Variants in PRRC1 observed in about 807,000 individuals in gnomAD.
The protein encoded by PRRC1 is proline rich coiled-coil 1, also known as protein PRRC1.
Under a neutral mutation model 40.7 loss-of-function variants are expected in PRRC1, and 39 were observed. That is an observed-to-expected ratio of 0.96 (90% confidence interval 0.74 to 1.25). PRRC1 has a LOEUF of 1.25. Among genes scored for constraint, PRRC1 ranks in the 50% most tolerant of loss-of-function variants. PRRC1 has a pLI of 0.00. For synonymous variants in PRRC1, 175 were observed against 193.3 expected, an observed-to-expected ratio of 0.91 and a Z score of 0.79; for missense variants, 573 against 548.3, an observed-to-expected ratio of 1.05 and a Z score of -0.45.
At position 127,551,671 on chromosome 5, in the gene PRRC1, T is replaced by G. The variant is rs763848957; in HGVS notation, c.1129-36T>G. 16 of 1,582,360 alleles carry G rather than the reference T, an allele frequency of 1.0e-5. 1 individual carries two copies. The South Asian group carries it at 1.8e-4, about 18-fold the overall frequency. On this transcript the variant is annotated intron_variant, in intron 8 of 8. Coordinates refer to ENST00000296666, the MANE Select transcript of PRRC1 (RefSeq NM_130809.5). ...AGCTAGTTCCAATGATATTTTTAAA[T>G]GTATTATAAGTAATATCAATTTCAT...
chr5:127,532,201 T>G (rs1392777009), intron 5 of PRRC1, among the ~76,000 whole-genome samples: 1 of 151,704 alleles, frequency 6.6e-6, no homozygotes, highest in Admixed American at 6.6e-5. Flanking sequence ...CTCTGCCTCC[T>G]GAGTTCAAGC....
In PRRC1 at chr5:127,526,721, T is replaced by G; in HGVS notation, c.597T>G (p.Pro199=). Residue 199 remains proline, a synonymous_variant, in exon 4 of 9, where the codon CCT becomes CCG. Coordinates refer to ENST00000296666, the MANE Select transcript of PRRC1 (RefSeq NM_130809.5). ...AITFPEEQED[P]RITRGQDEAS... ...CTTTCCCAGAGGAGCAAGAAGACCC[T>G]AGAATTACTAGAGGTCAGGATGAAG... 6.2e-7 allele frequency: 1 copy of G among 1,613,262 alleles called. No homozygotes were observed. Among genetic ancestry groups the G allele is most frequent in the Non-Finnish European group, 8.5e-7 (1 of 1,179,490 alleles).
chr5:127,547,200 A>C (rs932711063), intron 7 of PRRC1, among the ~76,000 whole-genome samples: 2 of 152,118 alleles, frequency 1.3e-5, no homozygotes, highest in Admixed American at 6.5e-5. Flanking sequence ...TTTTCAATAA[A>C]GTCATTTTTA....
At chr5:127,536,606 AG>A in intron 6 of PRRC1, among the ~76,000 whole-genome samples, 1 of 152,224 alleles carries the variant, frequency 6.6e-6, no homozygotes, top group Non-Finnish European at 1.5e-5. Context: ...CACTGAAATT[AG>A]AGACTAAAAC....
chr5:127,529,533 CT>C lies in PRRC1; in HGVS notation c.655-757del, dbSNP rs752366303. Among the ~76,000 whole-genome samples the C allele has an allele frequency of 7.0e-4, 107 of 152,230 alleles. 1 individual carries two copies. The highest frequency in any genetic ancestry group is 6.8e-3 in the Middle Eastern group (2 of 294). The stretch of plus-strand genomic sequence containing the variant: ...TTAAATTTCAATTTTATGAACTCAT[CT>C]TTTCCTGAGTCACCTTAGTTTAATG... On this transcript the variant is annotated intron_variant, in intron 4 of 8. Transcript: ENST00000296666.
At position 127,551,700 on chromosome 5, in the gene PRRC1, T is replaced by C. The variant is rs758513821; in HGVS notation, c.1129-7T>C. 6.2e-7 allele frequency: 1 copy of C among 1,613,710 alleles called. No individual in the cohort carries two copies. The highest frequency in any genetic ancestry group is 8.5e-7 in the Non-Finnish European group (1 of 1,179,624). On this transcript the variant is annotated splice_region_variant and splice_polypyrimidine_tract_variant and intron_variant, in intron 8 of 8. Transcript: ENST00000296666. ...TTATAAGTAATATCAATTTCATCTT[T>C]CCACAGGCTCAAAGTCTAACTCCCC...
intron 8 of PRRC1, chr5:127,550,213 GTTTGT>G (rs1768340579): frequency 1.3e-5 from 2 of 151,970 alleles, no homozygotes; most frequent in Admixed American, 1.3e-4. Context: ...TTTTTATTCT[GTTTGT>G]TTTATTTTGT....
rs1384089500 is a variant in PRRC1 at position 127,522,148 on chromosome 5, A to AG, written c.-20-1312_-20-1311insG. Among the ~76,000 whole-genome samples the AG allele has an allele frequency of 6.4e-4, 97 of 152,356 alleles. 1 individual carries two copies. The highest frequency in any genetic ancestry group is 2.3e-3 in the African/African-American group (96 of 41,582). On this transcript the variant is annotated intron_variant, in intron 1 of 8. Transcript: ENST00000296666. ...TATTAAATGAATAAAAATATTAAAA[A>AG]CAAATATAGCATATTTAGAAGTTGG... is the stretch of plus-strand genomic sequence containing the variant.
intron 4 of PRRC1, among the ~76,000 whole-genome samples, chr5:127,530,004 A>G (rs993938266): frequency 2.6e-5 from 4 of 152,118 alleles, no homozygotes; most frequent in African/African-American, 9.7e-5. Context: ...ATATGTATAT[A>G]CACACACATA....
rs886182105 is a variant in PRRC1, at chr5:127,553,093, G to A, written c.*1177G>A. 40 of 872,602 alleles carry A rather than the reference G, an allele frequency of 4.6e-5. No homozygotes were observed. Among genetic ancestry groups the A allele is most frequent in the Non-Finnish European group, 5.5e-5 (40 of 728,266 alleles). The allele number at this position is 872,602 out of a possible 1,614,324, so 54.1% of individuals were successfully genotyped here. ...ATATACAAGTTCAAATAACTTTTTC[G>A]AAGATAGTTTCTTATATAAATGTAA... On this transcript the variant is annotated 3_prime_UTR_variant, in exon 9 of 9. Transcript: ENST00000296666.
At chr5:127,526,168 A>C (rs1767607528) in intron 3 of PRRC1, among the ~76,000 whole-genome samples, 1 of 152,216 alleles carries the variant, frequency 6.6e-6, no homozygotes, top group African/African-American at 2.4e-5. Flanking sequence ...ACCTTTACAA[A>C]TGAAAATTAT....
At chr5:127,541,757 TTCTC>T (rs1159010763) in intron 7 of PRRC1, among the ~76,000 whole-genome samples, 18 of 152,122 alleles carry the variant, frequency 1.2e-4, no homozygotes, top group Admixed American at 5.9e-4. Context: ...TATTTGATTC[TTCTC>T]TCTTTTTTTC....
intron 4 of PRRC1, among the ~76,000 whole-genome samples, chr5:127,527,177 AT>A (rs965554642): frequency 7.9e-5 from 12 of 151,758 alleles, no homozygotes; most frequent in Admixed American, 5.2e-4. Context: ...AATTGTAATT[AT>A]TTTTTTTAAA....
chr5:127,534,713 C>T (rs1394716518), intron 6 of PRRC1, among the ~76,000 whole-genome samples: 1 of 152,190 alleles, frequency 6.6e-6, no homozygotes, highest in East Asian at 1.9e-4. Flanking sequence ...GCTTTAAATA[C>T]TGTCTCTGTG....
chr5:127,522,884 T>C (rs1767496993), intron 1 of PRRC1, among the ~76,000 whole-genome samples: 3 of 152,084 alleles, frequency 2.0e-5, no homozygotes, highest in Non-Finnish European at 4.4e-5. Flanking sequence ...CATCTTCTCA[T>C]CACAGCCTCC....
intron 6 of PRRC1, 130 bp downstream of exon 6, chr5:127,533,916 G>A: frequency 2.2e-6 from 2 of 918,488 alleles, no homozygotes; most frequent in Non-Finnish European, 3.5e-6. Context: ...TTTGCTTTTA[G>A]TAGACAGCCC....
In PRRC1 at chr5:127,553,719, A is replaced by G; in HGVS notation, c.*1803A>G. 6.7e-7 allele frequency: 1 copy of G among 1,502,224 alleles called. No homozygotes were observed. The highest frequency in any genetic ancestry group is 8.8e-7 in the Non-Finnish European group (1 of 1,134,944). 93.1% of individuals were successfully genotyped at this position (1,502,224 alleles called of 1,614,324 possible). A position where few individuals can be genotyped will look rare whatever the true frequency, so the allele number is the denominator to read the frequency against. ...ATACCTTAATTTTTCTTTGATTTTT[A>G]TTTTACCAAGTCACAAATGTCTTTT... On this transcript the variant is annotated 3_prime_UTR_variant, in exon 9 of 9. Coordinates refer to ENST00000296666, the MANE Select transcript of PRRC1 (RefSeq NM_130809.5).
Position 127,523,503 on chromosome 5 carries a change from GACA to G in PRRC1, c.28_30del (p.Thr10del). ...AAATGATGGAAGAGAGTGGAATAGA[GACA>G]ACACCACCTGGGACTCCTCCACCAA... On this transcript the variant is annotated inframe_deletion, in exon 2 of 9. Transcript: ENST00000296666. 2 of 1,611,136 alleles carry G rather than the reference GACA, an allele frequency of 1.2e-6. No individual in the cohort carries two copies. The highest frequency in any genetic ancestry group is 1.7e-6 in the Non-Finnish European group (2 of 1,178,998).
At chr5:127,522,259 C>T (rs574926873) in intron 1 of PRRC1, among the ~76,000 whole-genome samples, 5 of 152,304 alleles carry the variant, frequency 3.3e-5, no homozygotes, top group African/African-American at 9.6e-5. Flanking sequence ...TATTAGGATG[C>T]TGCTATCTAA....
Sources: allele counts gnomAD v4.1 joint callset (sites outside exome capture counted in the v4.1 genomes callset), GRCh38; gene constraint gnomAD v4.1.1; transcripts MANE v1.5; gene names NCBI Gene and HGNC (gene_info 2026-07-23, HGNC 2026-07-21).